ITGA9: variants seen among roughly 807,000 people sequenced by gnomAD.
ITGA9 encodes the protein integrin subunit alpha 9.
Under a neutral mutation model 127.8 loss-of-function variants are expected in ITGA9, and 56 were observed. The ratio of observed to expected loss-of-function variants is 0.44; its 90% confidence interval spans 0.35 to 0.55. ITGA9 has a LOEUF of 0.55. Ranked by LOEUF, ITGA9 falls within the 20% of genes least tolerant of loss-of-function variation. ITGA9 has a pLI of 0.00. For synonymous variants in ITGA9, 508 were observed against 514.5 expected (o/e 0.99, Z 0.17); for missense variants, 1,196 against 1,347.1 (o/e 0.89, Z 1.76).
intron 23 of ITGA9, among the ~76,000 whole-genome samples, chr3:37,756,894 A>C (rs760480792): frequency 2.6e-5 from 4 of 152,238 alleles, no homozygotes; most frequent in Non-Finnish European, 5.9e-5. Context: ...CCACTTGGGA[A>C]ATTTTAAACA....
At chr3:37,688,106 C>G (rs905916138) in intron 18 of ITGA9, among the ~76,000 whole-genome samples, 3 of 152,170 alleles carry the variant, frequency 2.0e-5, no homozygotes, top group Non-Finnish European at 2.9e-5. Flanking sequence ...GCACTTCCAG[C>G]CTTCTCTAAG....
chr3:37,600,477 C>A (rs551945557), intron 15 of ITGA9, among the ~76,000 whole-genome samples: 1 of 152,148 alleles, frequency 6.6e-6, no homozygotes, highest in Non-Finnish European at 1.5e-5. Flanking sequence ...TTTGTTTTTC[C>A]ATTCTTCCAA....
At chr3:37,667,108 A>G (rs979382142) in intron 17 of ITGA9, among the ~76,000 whole-genome samples, 1 of 152,164 alleles carries the variant, frequency 6.6e-6, no homozygotes, top group Non-Finnish European at 1.5e-5. Flanking sequence ...TGGCAGGGAC[A>G]TGGATGATAT....
At chr3:37,515,570 T>C (rs7653797) in intron 9 of ITGA9, among the ~76,000 whole-genome samples, 6,901 of 152,236 alleles carry the variant, frequency 0.045, 442 homozygotes, top group African/African-American at 0.15. Flanking sequence ...AAACCCTGTC[T>C]CTACTAAAAA....
At chr3:37,647,149 C>T (rs1350922657) in intron 16 of ITGA9, among the ~76,000 whole-genome samples, 1 of 152,002 alleles carries the variant, frequency 6.6e-6, no homozygotes, top group Non-Finnish European at 1.5e-5. Context: ...AATTGCATTC[C>T]TAGCCTATGG....
chr3:37,669,639 G>T (rs187682883), intron 17 of ITGA9, among the ~76,000 whole-genome samples: 14 of 152,094 alleles, frequency 9.2e-5, no homozygotes, highest in Non-Finnish European at 1.8e-4. Context: ...ATTAGTGGGA[G>T]AGAAAAAAAA....
rs1289128532 is a variant in ITGA9, at chr3:37,769,741, C to T, written c.2542-7651C>T. On this transcript the variant is annotated intron_variant, in intron 23 of 27. Coordinates refer to ENST00000264741, the MANE Select transcript of ITGA9 (RefSeq NM_002207.3). ...CCTGAGAAGTTTTCTTTATCCTTTG[C>T]GATCTACCTGCAATGCCACTTCCTC... is the stretch of plus-strand genomic sequence containing the variant. Among the ~76,000 whole-genome samples the T allele has an allele frequency of 2.0e-5, 3 of 152,158 alleles. 1 individual carries two copies. Among genetic ancestry groups the T allele is most frequent in the South Asian group, 4.1e-4 (2 of 4,828 alleles).
rs1000291341 is a variant in ITGA9 at position 37,452,987 on chromosome 3, C to G, written c.185+428C>G. Among the ~76,000 whole-genome samples, 26 of 152,192 alleles carry G rather than the reference C, an allele frequency of 1.7e-4. 1 individual carries two copies. Among genetic ancestry groups the G allele is most frequent in the Admixed American group, 1.4e-3 (22 of 15,290 alleles). ...AGGAGTCGGGGCACTGGAGCTGCAC[C>G]CCTCCCCGGTTTTGGGGAACCCCTG... On this transcript the variant is annotated intron_variant, in intron 1 of 27. Coordinates refer to ENST00000264741, the MANE Select transcript of ITGA9 (RefSeq NM_002207.3). The surrounding 1 kb of genome is among the most constrained non-coding windows in gnomAD (Gnocchi z 7.3).
chr3:37,512,668 A>C (rs1002788385), intron 8 of ITGA9, among the ~76,000 whole-genome samples: 2 of 152,138 alleles, frequency 1.3e-5, no homozygotes, highest in South Asian at 4.1e-4. Flanking sequence ...ACTTTAAATA[A>C]AGTTTTAAAT....
At chr3:37,790,490 T>G (rs548727788) in intron 26 of ITGA9, 1 of 320,512 alleles carries the variant, frequency 3.1e-6, no homozygotes, top group Non-Finnish European at 6.2e-6. Context: ...GTGGGAACAC[T>G]GGCACAGGAA....
chr3:37,666,358 T>G (rs1277279129), intron 17 of ITGA9, among the ~76,000 whole-genome samples: 1 of 152,252 alleles, frequency 6.6e-6, no homozygotes, highest in East Asian at 1.9e-4. Context: ...AGTTACTTAC[T>G]GCTGTAACAA....
At chr3:37,502,802 C>T (rs1698800672) in intron 5 of ITGA9, among the ~76,000 whole-genome samples, 1 of 152,160 alleles carries the variant, frequency 6.6e-6, no homozygotes. Context: ...GTATTGCTTA[C>T]TGCTTTTCAT....
chr3:37,556,018 C>T (rs747671763), intron 15 of ITGA9, among the ~76,000 whole-genome samples: 14 of 152,210 alleles, frequency 9.2e-5, no homozygotes, highest in African/African-American at 1.4e-4. Flanking sequence ...TGCCTTTTAG[C>T]GTAGAAAAGC....
chr3:37,681,025 G>T (rs904828430), intron 17 of ITGA9, among the ~76,000 whole-genome samples: 1 of 152,154 alleles, frequency 6.6e-6, no homozygotes, highest in African/African-American at 2.4e-5. Flanking sequence ...TTGTTGATGT[G>T]CCAGACATGC....
chr3:37,798,457 A>C (rs959825240), intron 26 of ITGA9, among the ~76,000 whole-genome samples: 3 of 152,210 alleles, frequency 2.0e-5, no homozygotes, highest in African/African-American at 7.2e-5. Context: ...GACCAGCAGC[A>C]TCAGCATCAT....
At chr3:37,493,186 G>A (rs1046544702) in intron 4 of ITGA9, among the ~76,000 whole-genome samples, 1 of 152,204 alleles carries the variant, frequency 6.6e-6, no homozygotes, top group Non-Finnish European at 1.5e-5. Context: ...GCTCTGTGGT[G>A]AGTGTTGTTA....
At chr3:37,638,949 C>A (rs564707920) in intron 16 of ITGA9, among the ~76,000 whole-genome samples, 1 of 152,184 alleles carries the variant, frequency 6.6e-6, no homozygotes, top group Non-Finnish European at 1.5e-5. Context: ...GTACATAGTC[C>A]TGGGAGAAGA....
chr3:37,705,137 C>T (rs763449249), intron 18 of ITGA9, among the ~76,000 whole-genome samples: 1 of 152,206 alleles, frequency 6.6e-6, no homozygotes, highest in Non-Finnish European at 1.5e-5. Flanking sequence ...CGATGGCATT[C>T]ACTCTTTCAT....
chr3:37,703,862 C>T (rs1700974681), intron 18 of ITGA9, among the ~76,000 whole-genome samples: 1 of 152,100 alleles, frequency 6.6e-6, no homozygotes, highest in Admixed American at 6.5e-5. Flanking sequence ...ATGAGGAAAC[C>T]ATGGCTTAGC....
Sources: gnomAD v4.1 joint callset for allele counts (sites outside exome capture counted in the v4.1 genomes callset) on GRCh38, gnomAD v4.1.1 for gene constraint, Gnocchi (gnomAD v3.1) non-coding constraint, MANE v1.5 for transcripts, NCBI Gene and HGNC (gene_info 2026-07-23, HGNC 2026-07-21) for gene names.